The following UBE4A variants were observed in gnomAD, a reference collection of about 807,000 sequenced individuals.
UBE4A encodes the protein ubiquitin conjugation factor E4 A.
A neutral mutation model predicts 117.9 loss-of-function variants in UBE4A; 48 were observed. The ratio of observed to expected loss-of-function variants is 0.41; its 90% CI spans 0.32 to 0.52. The LOEUF is 0.52. Among genes scored for constraint, UBE4A ranks in the 20% least tolerant of loss-of-function variants. The probability of loss-of-function intolerance (pLI) is 0.33; values close to 1 mark genes in which losing one functional copy is unlikely to be tolerated. For missense variants in UBE4A, 1,067 were observed against 1,296.3 expected, an observed-to-expected ratio of 0.82 and a Z score of 2.72; for synonymous variants, 407 against 450.0, an observed-to-expected ratio of 0.90 and a Z score of 1.21.
rs1490816620 is a variant in UBE4A, at chr11:118,365,027, G to A, written c.-41-13G>A. On this transcript the variant is annotated splice_polypyrimidine_tract_variant and intron_variant, in intron 1 of 19. Transcript: ENST00000252108. ...ATCTGCCCTCTTGTGTCTAATACCT[G>A]TCCTTTGAACAGCCTCTCCCACTAG... 3 of 1,593,122 alleles carry A rather than the reference G, an allele frequency of 1.9e-6. No individual in the cohort carries two copies. The highest frequency in any genetic ancestry group is 3.5e-5 in the Admixed American group (2 of 56,782).
Position 118,369,516 on chromosome 11 carries a change from A to T in UBE4A, c.389A>T (p.Asp130Val). The T allele has an allele frequency of 1.2e-6, 2 of 1,614,090 alleles. No individual in the cohort carries two copies. The highest frequency in any genetic ancestry group is 1.7e-6 in the Non-Finnish European group (2 of 1,179,934). ...GAGCTAGAAGATCAAGACTGGCTTG[A>T]TATGAGCAATGTTGAGCAGGTAATA... Reference protein sequence around the residue: ...AVELEDQDWLDMSNVEQALFA... With the variant: ...AVELEDQDWLVMSNVEQALFA... The change falls in exon 4 of 20, where the codon GAT becomes GTT. Residue 130 changes from aspartate to valine, a missense_variant. By Grantham distance (152) the Asp-to-Val change is radical. Transcript: ENST00000252108.
rs199870901 is a variant in UBE4A at position 118,379,697 on chromosome 11, T to C, written c.1823T>C (p.Ile608Thr). 30 of 1,614,030 alleles carry C rather than the reference T, an allele frequency of 1.9e-5. No individual in the cohort carries two copies. The highest frequency in any genetic ancestry group is 2.3e-5 in the Non-Finnish European group (27 of 1,179,988). The change falls in exon 11 of 20, where the codon ATA (isoleucine) becomes ACA (threonine). Residue 608 changes from isoleucine to threonine, a missense_variant. Around this residue, in one of 3 missense-constraint regions of UBE4A, gnomAD observed 1,001 missense variants for 1,184.0 expected, o/e 0.85. Coordinates refer to ENST00000252108, the MANE Select transcript of UBE4A (RefSeq NM_001204077.2). ...ATAGGCAATGAGGGCTCACAGCCAA[T>C]AGAGCTAACCTTTCCTTTGCCAGAT... ...LAIGNEGSQP[I>T]ELTFPLPDGY... is the part of the protein sequence containing the mutation.
intron 18 of UBE4A, among the ~76,000 whole-genome samples, chr11:118,392,335 A>G (rs1024428955): frequency 6.6e-6 from 1 of 152,252 alleles, no homozygotes; most frequent in Non-Finnish European, 1.5e-5. Flanking sequence ...ACTGCTTTTC[A>G]TACGCAGGCT....
rs1037429779 is a variant in UBE4A, at chr11:118,382,734, G to A, written c.2155G>A (p.Ala719Thr). 2 of 1,601,302 alleles carry A rather than the reference G, an allele frequency of 1.2e-6. No individual in the cohort carries two copies. Among genetic ancestry groups the A allele is most frequent in the Non-Finnish European group, 8.5e-7 (1 of 1,172,458 alleles). The change falls in exon 13 of 20, where the codon GCA becomes ACA. Residue 719 changes from alanine to threonine, a missense_variant. Physicochemically the swap from Ala to Thr is moderately conservative, Grantham distance 58. Transcript: ENST00000252108. ...CAACTTTCAGTATGCACCCCAACTT[G>A]CAGAGGCTCTAATCAAGGTTTTTGT... ...FCNFQYAPQL[A>T]EALIKVFVDI...
Position 118,375,054 on chromosome 11 carries a change from T to C in UBE4A, c.1275T>C (p.Phe425=). 1.2e-6 allele frequency: 2 copies of C among 1,614,210 alleles called. No individual in the cohort carries two copies. Residue 425 remains phenylalanine (F), a synonymous_variant, in exon 9 of 20, where the codon TTT becomes TTC. Coordinates refer to ENST00000252108, the MANE Select transcript of UBE4A (RefSeq NM_001204077.2). ...GGGCCAATCAGATGCCAGAAATCTT[T>C]TTCCAAATGTATGCCTCAGATGCTT... ...KIWANQMPEI[F]FQMYASDAFF...
chr11:118,362,728 A>G (rs780285716), intron 1 of UBE4A, among the ~76,000 whole-genome samples: 3 of 152,184 alleles, frequency 2.0e-5, no homozygotes, highest in Admixed American at 6.5e-5. Flanking sequence ...TGGCTTATCA[A>G]CTCAATCAGG....
In UBE4A at chr11:118,373,627, T is replaced by C. The variant is rs778910049; in HGVS notation, c.1058T>C (p.Leu353Ser). Residue 353 changes from leucine to serine, a missense_variant, in exon 8 of 20, where the codon TTG (leucine) becomes TCG (serine). Around this residue, in one of 3 missense-constraint regions of UBE4A, gnomAD observed 1,001 missense variants for 1,184.0 expected, o/e 0.85. Coordinates refer to ENST00000252108, the MANE Select transcript of UBE4A (RefSeq NM_001204077.2). Reference protein sequence around the residue: ...PGVVENHGYFLNPSRSSPQEI... With the variant: ...PGVVENHGYFSNPSRSSPQEI... ...GTTGTAGAAAATCATGGCTACTTTTTGAATCCATCTCGTTCCAGCCCCCAG... is the reference window on the plus strand; with the variant it reads ...GTTGTAGAAAATCATGGCTACTTTTCGAATCCATCTCGTTCCAGCCCCCAG... The C allele has an allele frequency of 1.2e-6, 2 of 1,614,064 alleles. No individual in the cohort carries two copies. The highest frequency in any genetic ancestry group is 2.7e-5 in the African/African-American group (2 of 74,926).
intron 10 of UBE4A, among the ~76,000 whole-genome samples, 199 bp from the exon 11 acceptor site, chr11:118,379,247 T>C (rs1948678708): frequency 6.6e-6 from 1 of 152,236 alleles, no homozygotes; most frequent in African/African-American, 2.4e-5. Context: ...TTCAATTATG[T>C]TGAATACTTG....
At chr11:118,368,915 C>A in intron 3 of UBE4A, 111 bp downstream of exon 3, 1 of 1,103,998 alleles carries the variant, frequency 9.1e-7, no homozygotes, top group Non-Finnish European at 1.3e-6. Context: ...CTACTCACTG[C>A]ACTCCCTGGA....
chr11:118,394,005 ATTC>A (rs1396581936), intron 19 of UBE4A, among the ~76,000 whole-genome samples: 1 of 152,198 alleles, frequency 6.6e-6, no homozygotes, highest in African/African-American at 2.4e-5. Context: ...CAGCCTGCCT[ATTC>A]TTCGGACAGT....
chr11:118,365,958 C>G (rs1028476167), intron 2 of UBE4A, among the ~76,000 whole-genome samples: 2 of 151,928 alleles, frequency 1.3e-5, no homozygotes, highest in African/African-American at 2.4e-5. Flanking sequence ...CACAATCTTT[C>G]AAACCAGAAA....
intron 4 of UBE4A, 138 bp from the exon 5 acceptor site, chr11:118,371,376 G>A: frequency 9.6e-7 from 1 of 1,041,604 alleles, no homozygotes; most frequent in Non-Finnish European, 1.3e-6. Flanking sequence ...AAATATACAG[G>A]GCCCTTTTTT....
chr11:118,377,040 G>C (rs1948658655), intron 10 of UBE4A, among the ~76,000 whole-genome samples: 2 of 151,728 alleles, frequency 1.3e-5, no homozygotes, highest in South Asian at 4.2e-4. Flanking sequence ...GTGACAGAGT[G>C]ATAACCTGTT....
intron 2 of UBE4A, among the ~76,000 whole-genome samples, 175 bp downstream of exon 2, chr11:118,365,376 G>A (rs1000805949): frequency 1.3e-5 from 2 of 152,096 alleles, no homozygotes; most frequent in Non-Finnish European, 2.9e-5. Flanking sequence ...TTTTATTGTT[G>A]GTTTTGTTGT....
chr11:118,384,680 T>G lies in UBE4A; in HGVS notation c.2243T>G (p.Met748Arg). The G allele has an allele frequency of 6.2e-7, 1 of 1,614,126 alleles. No individual in the cohort carries two copies. Among genetic ancestry groups the G allele is most frequent in the East Asian group, 2.2e-5 (1 of 44,874 alleles). Residue 748 changes from methionine (M) to arginine (R), a missense_variant, in exon 14 of 20, where the codon ATG (methionine) becomes AGG (arginine). Coordinates refer to ENST00000252108, the MANE Select transcript of UBE4A (RefSeq NM_001204077.2). ...FEQKFNYRRP[M>R]YPILRYMWGT... ...CAGAAGTTTAATTACCGCCGTCCCA[T>G]GTATCCTATCCTAAGATACATGTGG...
At chr11:118,379,844 C>T (rs1948685400) in intron 11 of UBE4A, 94 bp downstream of exon 11, 8 of 1,371,748 alleles carry the variant, frequency 5.8e-6, no homozygotes, top group South Asian at 1.5e-5. Flanking sequence ...ACCCTTTCTT[C>T]GTTATCATTC....
rs1555127255 is a variant in UBE4A at position 118,386,465 on chromosome 11, A to C, written c.2440A>C (p.Ile814Leu). ...QYLSKIKIQQ[I>L]EKDRGEWDSL... is the part of the protein sequence containing the mutation. ...TTTGAGCAAGATAAAGATTCAGCAA[A>C]TTGAGAAGGATCGAGGTGAATGGGA... The change falls in exon 16 of 20, where the codon ATT becomes CTT. Residue 814 changes from isoleucine to leucine, a missense_variant. Physicochemically the swap from Ile to Leu is conservative, Grantham distance 5. Transcript: ENST00000252108. 2 of 1,606,678 alleles carry C rather than the reference A, an allele frequency of 1.2e-6. No individual in the cohort carries two copies.
At chr11:118,387,844 G>A (rs782425048) in intron 16 of UBE4A, among the ~76,000 whole-genome samples, 6 of 152,144 alleles carry the variant, frequency 3.9e-5, no homozygotes, top group East Asian at 1.9e-4. Context: ...CAAGGGAGAC[G>A]CAAAGGAGAT....
chr11:118,389,696 G>A lies in UBE4A; in HGVS notation c.2588-29G>A, dbSNP rs1307973377. The A allele has an allele frequency of 2.6e-6, 4 of 1,559,054 alleles. No individual in the cohort carries two copies. In the African/African-American group the frequency reaches 5.4e-5, roughly 21 times the overall value. On this transcript the variant is annotated intron_variant, in intron 16 of 19. Coordinates refer to ENST00000252108, the MANE Select transcript of UBE4A (RefSeq NM_001204077.2). ...AAGGAAAAGAGTGCTAATGGATTGA[G>A]TTTTCAGAGACTTTGGATTCTTTTC...
Sources: allele counts gnomAD v4.1 joint callset (sites outside exome capture counted in the v4.1 genomes callset), GRCh38; gene constraint gnomAD v4.1.1; regional missense constraint gnomAD v4.1.1; transcripts MANE v1.5; gene names NCBI Gene and HGNC (gene_info 2026-07-23, HGNC 2026-07-21).